ITGA8: variants seen among roughly 807,000 people sequenced by gnomAD.
ITGA8 encodes the protein integrin alpha-8.
In ITGA8, 91 loss-of-function variants were observed where a neutral mutation model predicts 142.3. The ratio of observed to expected loss-of-function variants is 0.64; its 90% CI spans 0.54 to 0.76. The LOEUF (loss-of-function observed/expected upper bound fraction) is 0.76, where lower values mean the gene tolerates loss of function less well. ITGA8 is among the 30% of genes least tolerant of loss of function. ITGA8 has a pLI of 0.00. For missense variants in ITGA8, 1,406 were observed against 1,327.7 expected (o/e 1.06, Z -0.92); for synonymous variants, 505 against 485.2 (o/e 1.04, Z -0.54).
intron 22 of ITGA8, among the ~76,000 whole-genome samples, chr10:15,588,975 A>G (rs1832877771): frequency 6.6e-6 from 1 of 152,240 alleles, no homozygotes; most frequent in South Asian, 2.1e-4. Context: ...CTTGTAAGAA[A>G]GGAACCAGGC....
chr10:15,566,045 T>C (rs910305591), intron 25 of ITGA8, among the ~76,000 whole-genome samples: 2 of 152,108 alleles, frequency 1.3e-5, no homozygotes, highest in Admixed American at 1.3e-4. Flanking sequence ...AAGAAGAAAG[T>C]ACCCTAAAGG....
chr10:15,666,554 T>G (rs570405047), intron 8 of ITGA8, among the ~76,000 whole-genome samples: 1 of 152,182 alleles, frequency 6.6e-6, no homozygotes, highest in Non-Finnish European at 1.5e-5. Flanking sequence ...TCCAACACTA[T>G]GTTGAATAGG....
chr10:15,661,075 C>T (rs9333113), intron 8 of ITGA8, among the ~76,000 whole-genome samples, 153 bp from the exon 9 acceptor site: 124 of 152,294 alleles, frequency 8.1e-4, no homozygotes, highest in African/African-American at 2.8e-3. Flanking sequence ...CATCAACCAG[C>T]ACCTGTCTGT....
At chr10:15,662,864 G>A (rs1416275610) in intron 8 of ITGA8, among the ~76,000 whole-genome samples, 1 of 152,138 alleles carries the variant, frequency 6.6e-6, no homozygotes, top group African/African-American at 2.4e-5. Flanking sequence ...TCCTGGAATT[G>A]GTTAGGAACA....
intron 13 of ITGA8, among the ~76,000 whole-genome samples, chr10:15,619,775 TA>T (rs1293070181): frequency 2.6e-5 from 4 of 152,212 alleles, no homozygotes. Context: ...TCTTCCTGTG[TA>T]ATTACAAACT....
intron 11 of ITGA8, 149 bp downstream of exon 11, chr10:15,655,205 A>G: frequency 2.0e-6 from 1 of 501,356 alleles, no homozygotes; most frequent in Non-Finnish European, 3.5e-6. Context: ...TAATAGATGC[A>G]TCTTCTTGTC....
At chr10:15,522,214 A>G (rs991764428) in intron 28 of ITGA8, among the ~76,000 whole-genome samples, 10 of 152,220 alleles carry the variant, frequency 6.6e-5, no homozygotes, top group African/African-American at 2.4e-4. Context: ...TACTCCACAA[A>G]TTTGTACAAT....
chr10:15,658,864 G>A (rs543054258), intron 10 of ITGA8, 135 bp downstream of exon 10: 11 of 616,538 alleles, frequency 1.8e-5, no homozygotes, highest in South Asian at 4.3e-5. Context: ...TTGCATCCCC[G>A]GTGCCTAGGA....
chr10:15,548,687 T>G lies in ITGA8; in HGVS notation c.2767-119A>C, dbSNP rs1833728274. 3.5e-5 allele frequency: 21 copies of G among 604,488 alleles called. No homozygotes were observed. The South Asian group carries it at 4.5e-4, about 13-fold the overall frequency. 37.4% of individuals were successfully genotyped at this position (604,488 alleles called of 1,614,324 possible). On this transcript the variant is annotated intron_variant, in intron 26 of 29. Coordinates refer to ENST00000378076, the MANE Select transcript of ITGA8 (RefSeq NM_003638.3). ...TCATCACCTTATGATAAATTATTAA[T>G]GTAAATAAAGAACAATATATTGCAA...
intron 26 of ITGA8, among the ~76,000 whole-genome samples, chr10:15,550,091 T>C (rs1053146061): frequency 1.1e-4 from 16 of 152,170 alleles, no homozygotes; most frequent in Non-Finnish European, 2.2e-4. Flanking sequence ...CACATACTGT[T>C]CTCATGGCAG....
chr10:15,692,213 A>T (rs563214014), intron 2 of ITGA8, among the ~76,000 whole-genome samples: 14 of 152,164 alleles, frequency 9.2e-5, no homozygotes, highest in African/African-American at 2.4e-4. Flanking sequence ...GATTACAGGT[A>T]TGAGCCACTG....
chr10:15,537,625 G>A (rs890791146), intron 27 of ITGA8, among the ~76,000 whole-genome samples: 4 of 152,164 alleles, frequency 2.6e-5, no homozygotes, highest in African/African-American at 9.7e-5. Context: ...GTATGGAACT[G>A]AAGTGTGTGG....
chr10:15,629,568 C>T (rs1833648407), intron 13 of ITGA8, among the ~76,000 whole-genome samples: 1 of 152,104 alleles, frequency 6.6e-6, no homozygotes. Flanking sequence ...CTACCCTCCT[C>T]TTAAATGAAA....
intron 25 of ITGA8, among the ~76,000 whole-genome samples, chr10:15,569,546 G>T (rs1174808992): frequency 1.3e-5 from 2 of 152,202 alleles, no homozygotes; most frequent in East Asian, 3.9e-4. Flanking sequence ...CTTTTAGTAA[G>T]CCCATCCTCT....
intron 2 of ITGA8, among the ~76,000 whole-genome samples, chr10:15,704,622 A>T (rs2131730513): frequency 6.6e-6 from 1 of 152,264 alleles, no homozygotes; most frequent in Middle Eastern, 3.4e-3. Context: ...ACAGCTGGGG[A>T]AATGAGAACT....
chr10:15,641,063 C>T (rs1028743449), intron 13 of ITGA8, among the ~76,000 whole-genome samples: 3 of 152,046 alleles, frequency 2.0e-5, no homozygotes, highest in Admixed American at 6.6e-5. Flanking sequence ...GAAAAAGAGT[C>T]TTTTTTCTGA....
At chr10:15,719,234 A>G (rs866780389) in intron 1 of ITGA8, among the ~76,000 whole-genome samples, 91 of 152,362 alleles carry the variant, frequency 6.0e-4, no homozygotes, top group African/African-American at 2.0e-3. Flanking sequence ...CAGACTCTGC[A>G]TAAACAGACC....
At chr10:15,538,427 G>T (rs11815197) in intron 27 of ITGA8, among the ~76,000 whole-genome samples, 3 of 149,208 alleles carry the variant, frequency 2.0e-5, no homozygotes, top group African/African-American at 7.4e-5. Context: ...CGGGAGAATC[G>T]CTTGAACCCG....
At chr10:15,708,087 G>T (rs1313438697) in intron 2 of ITGA8, among the ~76,000 whole-genome samples, 1 of 151,826 alleles carries the variant, frequency 6.6e-6, no homozygotes, top group East Asian at 1.9e-4. Flanking sequence ...AAAATCTTAG[G>T]CTTTGTTAGT....
Sources: allele counts gnomAD v4.1 joint callset (sites outside exome capture counted in the v4.1 genomes callset), GRCh38; gene constraint gnomAD v4.1.1; transcripts MANE v1.5; gene names NCBI Gene and HGNC (gene_info 2026-07-23, HGNC 2026-07-21).